GABRG3: variants seen among roughly 807,000 people sequenced by gnomAD.
The protein encoded by GABRG3 is gamma-aminobutyric acid receptor subunit gamma-3.
GABRG3 carries 25 observed loss-of-function variants against 48.8 expected under a neutral mutation model. The observed-to-expected ratio is 0.51, with a 90% CI of 0.37 to 0.72. The LOEUF (loss-of-function observed/expected upper bound fraction) is 0.72. GABRG3 is among the 30% of genes least tolerant of loss of function. GABRG3 has a pLI of 0.00. For synonymous variants in GABRG3, 227 were observed against 217.6 expected (o/e 1.04, Z -0.38); for missense variants, 394 against 577.9 (o/e 0.68, Z 3.26).
rs1891619277 is a variant in GABRG3, at chr15:27,539,479, T to G, written c.*6598T>G. 1 of 152,226 alleles carries G rather than the reference T, an allele frequency of 6.6e-6. No homozygotes were observed. 9.4% of individuals were successfully genotyped at this position (152,226 alleles called of 1,614,324 possible). A position where few individuals can be genotyped will look rare whatever the true frequency, so the allele number is the denominator to read the frequency against. ...GCTTGACTTTCAATTTATAAAAGAT[T>G]ATTGGAAACACCTTAAGTAGTCCTA... On this transcript the variant is annotated 3_prime_UTR_variant, in exon 10 of 10. Coordinates refer to ENST00000615808, the MANE Select transcript of GABRG3 (RefSeq NM_033223.5).
intron 4 of GABRG3, among the ~76,000 whole-genome samples, chr15:27,327,367 T>G (rs79898291): frequency 0.028 from 4,248 of 152,282 alleles, 207 homozygotes; most frequent in African/African-American, 0.098. Flanking sequence ...AGAGTAAATC[T>G]GAGACCACAA....
At chr15:27,397,908 C>G (rs1333181326) in intron 5 of GABRG3, among the ~76,000 whole-genome samples, 1 of 150,312 alleles carries the variant, frequency 6.7e-6, no homozygotes, top group Non-Finnish European at 1.5e-5. Flanking sequence ...AGGTTCGTGT[C>G]ATTCTCCTGC....
At chr15:27,440,335 C>T (rs943049808) in intron 5 of GABRG3, among the ~76,000 whole-genome samples, 1 of 152,174 alleles carries the variant, frequency 6.6e-6, no homozygotes, top group African/African-American at 2.4e-5. Context: ...TTTTGTGACC[C>T]CTGCGATTCA....
rs550506618 is a variant in GABRG3, at chr15:27,501,100, C to T, written c.713-18872C>T. ...CCGAGTAGCTGGGACTACAGGCGCC[C>T]GCCACCACGCCCAGCAAATTTTTTG... On this transcript the variant is annotated intron_variant, in intron 6 of 9. Transcript: ENST00000615808. Among the ~76,000 whole-genome samples the T allele has an allele frequency of 1.1e-4, 16 of 151,954 alleles. No individual in the cohort carries two copies. In the South Asian group the frequency reaches 1.3e-3, roughly 12 times the overall value.
intron 5 of GABRG3, among the ~76,000 whole-genome samples, chr15:27,445,025 C>T (rs1382081961): frequency 6.6e-6 from 1 of 152,114 alleles, no homozygotes; most frequent in African/African-American, 2.4e-5. Flanking sequence ...GCGCCTGCCA[C>T]CATGCCTGGC....
intron 5 of GABRG3, among the ~76,000 whole-genome samples, chr15:27,330,688 A>C (rs1893774065): frequency 6.6e-6 from 1 of 152,250 alleles, no homozygotes. Context: ...AAATAATTTA[A>C]ATTCTTAAAG....
intron 3 of GABRG3, among the ~76,000 whole-genome samples, chr15:27,287,314 G>A (rs1165376870): frequency 1.3e-5 from 2 of 152,112 alleles, no homozygotes; most frequent in Non-Finnish European, 2.9e-5. Context: ...ATGGACCAGG[G>A]ATTTGGAGAA....
At chr15:27,368,698 A>T (rs1895295514) in intron 5 of GABRG3, among the ~76,000 whole-genome samples, 1 of 152,204 alleles carries the variant, frequency 6.6e-6, no homozygotes, top group Non-Finnish European at 1.5e-5. Context: ...AGTGGAACCC[A>T]GGCTCACTCT....
chr15:27,389,353 G>A (rs1896150939), intron 5 of GABRG3, among the ~76,000 whole-genome samples: 1 of 152,196 alleles, frequency 6.6e-6, no homozygotes, highest in Non-Finnish European at 1.5e-5. Context: ...TAATCTTTGT[G>A]AACATAACTT....
At chr15:27,125,920 A>G (rs1266100012) in intron 3 of GABRG3, among the ~76,000 whole-genome samples, 1 of 152,232 alleles carries the variant, frequency 6.6e-6, no homozygotes, top group Non-Finnish European at 1.5e-5. Context: ...CTCTTAATAG[A>G]ATGAGGGCAG....
intron 3 of GABRG3, among the ~76,000 whole-genome samples, chr15:27,264,728 A>T (rs899154483): frequency 6.6e-6 from 1 of 152,062 alleles, no homozygotes; most frequent in African/African-American, 2.4e-5. Flanking sequence ...ATCACCTTCA[A>T]AATTATAAGC....
chr15:27,507,313 G>A (rs1458795138), intron 6 of GABRG3, among the ~76,000 whole-genome samples: 2 of 152,016 alleles, frequency 1.3e-5, no homozygotes, highest in East Asian at 3.9e-4. Flanking sequence ...AGACCAGCCT[G>A]GCCAAAATGG....
intron 6 of GABRG3, among the ~76,000 whole-genome samples, chr15:27,492,173 T>C (rs543304858): frequency 6.6e-6 from 1 of 152,234 alleles, no homozygotes; most frequent in South Asian, 2.1e-4. Context: ...TTTTAAAAAG[T>C]AGCTAGCCAG....
At chr15:27,043,025 A>C (rs1396549576) in intron 3 of GABRG3, among the ~76,000 whole-genome samples, 1 of 152,194 alleles carries the variant, frequency 6.6e-6, no homozygotes, top group Non-Finnish European at 1.5e-5. Flanking sequence ...AGCCCTGATC[A>C]GATGCTCAAT....
At chr15:27,227,702 A>G (rs1889667398) in intron 3 of GABRG3, among the ~76,000 whole-genome samples, 1 of 151,906 alleles carries the variant, frequency 6.6e-6, no homozygotes, top group Admixed American at 6.6e-5. Flanking sequence ...AAAAAAGAAA[A>G]CAACCATGGC....
intron 3 of GABRG3, among the ~76,000 whole-genome samples, chr15:27,240,302 C>T (rs1285892456): frequency 2.6e-5 from 4 of 152,262 alleles, no homozygotes; most frequent in East Asian, 3.9e-4. Context: ...CACACGTGAG[C>T]GCTCAGAACC....
At chr15:27,459,932 T>C (rs1595768417) in intron 5 of GABRG3, among the ~76,000 whole-genome samples, 1 of 152,254 alleles carries the variant, frequency 6.6e-6, no homozygotes, top group East Asian at 1.9e-4. Context: ...TGTTTCTGGA[T>C]TTTGAGAGTG....
intron 5 of GABRG3, among the ~76,000 whole-genome samples, chr15:27,423,242 T>TAAAAAA (rs58007397): frequency 6.7e-5 from 5 of 74,726 alleles, no homozygotes; most frequent in Admixed American, 1.6e-4. Flanking sequence ...GTCATTATGA[T>TAAAAAA]AAAAAAAAAA....
chr15:27,254,308 G>T (rs879361338), intron 3 of GABRG3, among the ~76,000 whole-genome samples: 11 of 152,148 alleles, frequency 7.2e-5, no homozygotes, highest in African/African-American at 2.7e-4. Flanking sequence ...AGGGACTCTC[G>T]AGAAGGCGCA....
Sources: gnomAD v4.1 joint callset for allele counts (sites outside exome capture counted in the v4.1 genomes callset) on GRCh38, gnomAD v4.1.1 for gene constraint, MANE v1.5 for transcripts, NCBI Gene and HGNC (gene_info 2026-07-23, HGNC 2026-07-21) for gene names.